Variants in CNTNAP3B observed in about 807,000 individuals in gnomAD.
CNTNAP3B encodes the protein contactin-associated protein-like 3B.
In CNTNAP3B, 25 loss-of-function variants were observed where a neutral mutation model predicts 108.9. The ratio of observed to expected loss-of-function variants is 0.23; its 90% CI spans 0.17 to 0.32. CNTNAP3B has a LOEUF of 0.32. Among genes scored for constraint, CNTNAP3B ranks in the 10% least tolerant of loss-of-function variants. The probability of loss-of-function intolerance (pLI) is 1.00; values close to 1 mark genes in which losing one functional copy is unlikely to be tolerated. For missense variants in CNTNAP3B, 252 were observed against 1,210.4 expected, an observed-to-expected ratio of 0.21 and a Z score of 11.75; for synonymous variants, 103 against 473.4, an observed-to-expected ratio of 0.22 and a Z score of 10.16.
chr9:41,967,368 G>T (rs1049321901), intron 10 of CNTNAP3B, among the ~76,000 whole-genome samples: 1 of 151,890 alleles, frequency 6.6e-6, no homozygotes, highest in Admixed American at 6.6e-5. Flanking sequence ...GTTCTCTTGC[G>T]TGCTGCCATA....
At chr9:42,056,567 G>T (rs1279493523) in intron 3 of CNTNAP3B, among the ~76,000 whole-genome samples, 1 of 137,676 alleles carries the variant, frequency 7.3e-6, no homozygotes, top group Non-Finnish European at 1.5e-5. Flanking sequence ...AGCCAGGATG[G>T]TCTTGATCTC....
At chr9:41,957,995 C>T (rs1824922366) in intron 12 of CNTNAP3B, among the ~76,000 whole-genome samples, 1 of 152,266 alleles carries the variant, frequency 6.6e-6, no homozygotes, top group South Asian at 2.1e-4. Context: ...ATCTCCTGAC[C>T]TCGTGATCCG....
At chr9:42,090,840 TACACAC>T (rs200483365) in intron 2 of CNTNAP3B, among the ~76,000 whole-genome samples, 8 of 75,292 alleles carry the variant, frequency 1.1e-4, no homozygotes, top group South Asian at 8.7e-4. Flanking sequence ...TGCAACTGAA[TACACAC>T]ACACACACAC....
intron 2 of CNTNAP3B, among the ~76,000 whole-genome samples, chr9:42,099,191 T>C (rs1827973426): frequency 8.1e-6 from 1 of 123,108 alleles, no homozygotes; most frequent in Admixed American, 8.2e-5. Context: ...TTTCAACAGC[T>C]TGAGTGTTTA....
At chr9:42,022,022 C>A (rs1826318771) in intron 3 of CNTNAP3B, among the ~76,000 whole-genome samples, 1 of 124,436 alleles carries the variant, frequency 8.0e-6, no homozygotes, top group South Asian at 2.7e-4. Flanking sequence ...ATAGCCCTTC[C>A]CCAAAACTAA....
intron 13 of CNTNAP3B, among the ~76,000 whole-genome samples, chr9:41,944,513 C>T (rs1256482432): frequency 6.6e-6 from 1 of 152,276 alleles, no homozygotes; most frequent in African/African-American, 2.4e-5. Context: ...TACTCAAAGG[C>T]TACCACTAAA....
intron 16 of CNTNAP3B, among the ~76,000 whole-genome samples, chr9:41,923,579 T>C (rs1396726608): frequency 6.6e-6 from 1 of 152,296 alleles, no homozygotes; most frequent in Non-Finnish European, 1.5e-5. Flanking sequence ...CTGGTCAACA[T>C]GGCAAAACCC....
intron 11 of CNTNAP3B, among the ~76,000 whole-genome samples, chr9:41,961,356 A>G (rs1361715354): frequency 6.6e-6 from 1 of 152,308 alleles, no homozygotes; most frequent in African/African-American, 2.4e-5. Context: ...ACAGTGTAAA[A>G]CACTTGAAGA....
intron 8 of CNTNAP3B, among the ~76,000 whole-genome samples, chr9:41,986,584 T>C (rs1389557028): frequency 8.0e-5 from 12 of 150,770 alleles, no homozygotes; most frequent in African/African-American, 2.5e-4. Context: ...TTATCAAATA[T>C]ATACAGTAGA....
At chr9:41,977,924 C>T (rs1587169629) in intron 9 of CNTNAP3B, among the ~76,000 whole-genome samples, 1 of 142,658 alleles carries the variant, frequency 7.0e-6, no homozygotes, top group African/African-American at 2.7e-5. Context: ...AGCCACTGTG[C>T]CTGGCCGAAT....
rs187994147 is a variant in CNTNAP3B at position 42,111,831 on chromosome 9, G to T, written c.86-7092C>A. 6.3e-4 allele frequency among the ~76,000 whole-genome samples: 87 copies of T among 137,896 alleles called. 15 individuals carry two copies. Among genetic ancestry groups the T allele is most frequent in the African/African-American group, 2.5e-3 (87 of 34,500 alleles). The allele number at this position is 137,896 out of a possible 152,430, so 90.5% of individuals were successfully genotyped here. ...TCTCACTGTAGGTCCTCATGTTAAC[G>T]ACCTAACTAATCCTTACAGCCAATG... On this transcript the variant is annotated intron_variant, in intron 1 of 23. Transcript: ENST00000377561.
intron 3 of CNTNAP3B, among the ~76,000 whole-genome samples, chr9:42,044,170 C>A (rs1378448935): frequency 8.9e-5 from 12 of 134,204 alleles, no homozygotes; most frequent in Non-Finnish European, 1.7e-4. Flanking sequence ...CCAAAGTGCA[C>A]AAGTAGTGAT....
At chr9:41,970,913 C>A (rs1340393468) in intron 9 of CNTNAP3B, among the ~76,000 whole-genome samples, 41 of 149,864 alleles carry the variant, frequency 2.7e-4, no homozygotes, top group African/African-American at 1.0e-3. Flanking sequence ...CAAAAAGTAA[C>A]AGGACATAAC....
At chr9:41,956,144 T>C (rs1824850517) in intron 12 of CNTNAP3B, among the ~76,000 whole-genome samples, 2 of 152,242 alleles carry the variant, frequency 1.3e-5, no homozygotes, top group Non-Finnish European at 2.9e-5. Context: ...CCCAGCACTT[T>C]GGGAGGCCGA....
At chr9:41,950,442 T>C (rs1824640952) in intron 13 of CNTNAP3B, among the ~76,000 whole-genome samples, 1 of 133,050 alleles carries the variant, frequency 7.5e-6, no homozygotes. Flanking sequence ...ACAATGTTCA[T>C]AAAAGCTTTA....
intron 14 of CNTNAP3B, among the ~76,000 whole-genome samples, chr9:41,935,659 G>C (rs1214646616): frequency 2.0e-5 from 3 of 152,244 alleles, no homozygotes; most frequent in Non-Finnish European, 4.4e-5. Context: ...ACAAGAGTTG[G>C]GTTAGGATTT....
chr9:42,016,937 T>C (rs1292223622), intron 3 of CNTNAP3B, among the ~76,000 whole-genome samples: 1 of 151,808 alleles, frequency 6.6e-6, no homozygotes, highest in African/African-American at 2.4e-5. Context: ...GGTGTGTTCA[T>C]GTATAAAAGC....
In CNTNAP3B at chr9:42,101,797, G is replaced by A. The variant is rs571136871; in HGVS notation, c.196+2832C>T. Among the ~76,000 whole-genome samples the A allele has an allele frequency of 3.1e-4, 40 of 127,096 alleles. 7 individuals carry two copies. The South Asian group carries it at 9.7e-3, about 31-fold the overall frequency. The allele number at this position is 127,096 out of a possible 152,430, so 83.4% of individuals were successfully genotyped here. A position where few individuals can be genotyped will look rare whatever the true frequency, so the allele number is the denominator to read the frequency against. On this transcript the variant is annotated intron_variant, in intron 2 of 23. Coordinates refer to ENST00000377561, the MANE Select transcript of CNTNAP3B (RefSeq NM_001201380.3). ...CTTAAATTTACAACAGGTCGGCCAG[G>A]TGTGGTGGCTCACACCTTTGGGAGG...
intron 3 of CNTNAP3B, among the ~76,000 whole-genome samples, chr9:42,030,813 G>GTGC (rs1156882673): frequency 1.5e-5 from 1 of 65,748 alleles, no homozygotes; most frequent in Non-Finnish European, 2.7e-5. Flanking sequence ...GAGAGAGAGA[G>GTGC]GAGAGAGAGA....
Sources: allele counts gnomAD v4.1 joint callset (sites outside exome capture counted in the v4.1 genomes callset), GRCh38; gene constraint gnomAD v4.1.1; transcripts MANE v1.5; gene names NCBI Gene and HGNC (gene_info 2026-07-23, HGNC 2026-07-21).